Variants in OR2H1 observed in about 807,000 individuals in gnomAD.
OR2H1 encodes the protein olfactory receptor family 2 subfamily H member 1.
For missense variants in OR2H1, 380 were observed against 367.3 expected (o/e 1.03, Z -0.28); for synonymous variants, 155 against 155.2 (o/e 1.00, Z 0.01).
In OR2H1 at chr6:29,461,924, G is replaced by A. The variant is rs138167082; in HGVS notation, c.155G>A (p.Arg52Lys). 1.2e-5 allele frequency: 19 copies of A among 1,612,860 alleles called. No homozygotes were observed. The African/African-American group carries it at 1.6e-4, about 14-fold the overall frequency. The change falls in exon 4 of 4, where the codon AGG (arginine) becomes AAG (lysine). Residue 52 changes from arginine to lysine, a missense_variant. Arg to Lys is a conservative substitution (Grantham distance 26). Coordinates refer to ENST00000377133, the MANE Select transcript of OR2H1 (RefSeq NM_030883.5). Reference sequence around the variant, plus strand: ...ATCCTGCTGTCTGTACTGTACCCCAGGCTCCACTCTCCAATGTACTTTTTC... The same window carrying A: ...ATCCTGCTGTCTGTACTGTACCCCAAGCTCCACTCTCCAATGTACTTTTTC... ...LIILLSVLYP[R>K]LHSPMYFFLS... is the part of the protein sequence containing the mutation.
chr6:29,462,754 A>G lies in OR2H1; in HGVS notation c.*34A>G. The G allele has an allele frequency of 6.6e-7, 1 of 1,514,528 alleles. No homozygotes were observed. The highest frequency in any genetic ancestry group is 9.0e-7 in the Non-Finnish European group (1 of 1,105,750). The allele number at this position is 1,514,528 out of a possible 1,614,324, so 93.8% of individuals were successfully genotyped here. A position where few individuals can be genotyped will look rare whatever the true frequency, so the allele number is the denominator to read the frequency against. Reference sequence around the variant, plus strand: ...CGAAAGTAAGAAGAGTTTCTTCAAGATTTATGAACATGTTAAGTTTTCCAG... The same window carrying G: ...CGAAAGTAAGAAGAGTTTCTTCAAGGTTTATGAACATGTTAAGTTTTCCAG... On this transcript the variant is annotated 3_prime_UTR_variant, in exon 4 of 4. Coordinates refer to ENST00000377133, the MANE Select transcript of OR2H1 (RefSeq NM_030883.5).
chr6:29,463,690 T>G lies in OR2H1; in HGVS notation c.*970T>G, dbSNP rs547829580. On this transcript the variant is annotated 3_prime_UTR_variant, in exon 4 of 4. Transcript: ENST00000377133. The stretch of plus-strand genomic sequence containing the variant: ...TGTTAGCTTAGTTCATTCAAGCTAC[T>G]ATCACAAGCTACACATAAATTGGGT... 6.0e-6 allele frequency: 1 copy of G among 167,250 alleles called. No individual in the cohort carries two copies. The highest frequency in any genetic ancestry group is 6.5e-5 in the Admixed American group (1 of 15,306). The allele number at this position is 167,250 out of a possible 1,614,324, so 10.4% of individuals were successfully genotyped here. A position where few individuals can be genotyped will look rare whatever the true frequency, so the allele number is the denominator to read the frequency against.
chr6:29,463,551 A>C lies in OR2H1; in HGVS notation c.*831A>C, dbSNP rs577476765. The C allele has an allele frequency of 6.0e-6, 1 of 167,190 alleles. No individual in the cohort carries two copies. Among genetic ancestry groups the C allele is most frequent in the East Asian group, 1.9e-4 (1 of 5,190 alleles). 10.4% of individuals were successfully genotyped at this position (167,190 alleles called of 1,614,324 possible). ...TAAATAATAAGCCATCTAAGTGTAA[A>C]AGTGGCTCATATCTTCTCCAGCCAA... On this transcript the variant is annotated 3_prime_UTR_variant, in exon 4 of 4. Transcript: ENST00000377133.
At chr6:29,457,987 C>T (rs1786650860) in intron 1 of OR2H1, among the ~76,000 whole-genome samples, 1 of 152,226 alleles carries the variant, frequency 6.6e-6, no homozygotes, top group Admixed American at 6.5e-5. Context: ...AATTAATGAG[C>T]TACTTCTCTC....
In OR2H1 at chr6:29,462,330, T is replaced by C; in HGVS notation, c.561T>C (p.Cys187=). The change falls in exon 4 of 4, where the codon TGT becomes TGC. Residue 187 remains cysteine (C), a synonymous_variant. Transcript: ENST00000377133. The part of the protein sequence containing the change: ...CEVPSLIRLS[C]GDTSYNEIQL... ...TCCCATCTCTGATTCGACTCTCCTGTGGAGATACCTCCTACAATGAAATCC... is the reference window on the plus strand; with the variant it reads ...TCCCATCTCTGATTCGACTCTCCTGCGGAGATACCTCCTACAATGAAATCC... The C allele has an allele frequency of 5.0e-6, 8 of 1,613,156 alleles. No homozygotes were observed. The highest frequency in any genetic ancestry group is 6.8e-6 in the Non-Finnish European group (8 of 1,180,030).
Position 29,462,543 on chromosome 6 carries a change from C to G in OR2H1, c.774C>G (p.Leu258=). ...ACAGCTCAGTCATTGCTGTCTACCT[C>G]CAGCCCAAAAATCCGTATGCCCAAG... The part of the protein sequence containing the change: ...LFYSSVIAVY[L]QPKNPYAQGR... Residue 258 remains leucine, a synonymous_variant, in exon 4 of 4, where the codon CTC becomes CTG. Transcript: ENST00000377133. The G allele has an allele frequency of 6.2e-7, 1 of 1,612,990 alleles. No individual in the cohort carries two copies. Among genetic ancestry groups the G allele is most frequent in the Non-Finnish European group, 8.5e-7 (1 of 1,180,016 alleles).
rs1786771603 is a variant in OR2H1, at chr6:29,458,515, T to C, written c.-381T>C. 6.6e-6 allele frequency: 1 copy of C among 152,236 alleles called. No individual in the cohort carries two copies. The highest frequency in any genetic ancestry group is 2.4e-5 in the African/African-American group (1 of 41,438). The allele number at this position is 152,236 out of a possible 1,614,324, so 9.4% of individuals were successfully genotyped here. On this transcript the variant is annotated 5_prime_UTR_variant, in exon 2 of 4. Coordinates refer to ENST00000377133, the MANE Select transcript of OR2H1 (RefSeq NM_030883.5). Reference sequence around the variant, plus strand: ...GGCTCCAACCAGTCCAGAAGTTCCTTTCTATGGGGAAGCTGTGGCAGCAAG... The same window carrying C: ...GGCTCCAACCAGTCCAGAAGTTCCTCTCTATGGGGAAGCTGTGGCAGCAAG...
In OR2H1 at chr6:29,462,807, G is replaced by C; in HGVS notation, c.*87G>C. On this transcript the variant is annotated 3_prime_UTR_variant, in exon 4 of 4. Transcript: ENST00000377133. ...TACTACCCTTCCCACATACACCTGAGCCACTGTGGTGGGTCACAGTGTGGC... is the reference window on the plus strand; with the variant it reads ...TACTACCCTTCCCACATACACCTGACCCACTGTGGTGGGTCACAGTGTGGC... 2 of 926,330 alleles carry C rather than the reference G, an allele frequency of 2.2e-6. No individual in the cohort carries two copies. Among genetic ancestry groups the C allele is most frequent in the Non-Finnish European group, 3.3e-6 (2 of 610,774 alleles). 57.4% of individuals were successfully genotyped at this position (926,330 alleles called of 1,614,324 possible).
At position 29,463,508 on chromosome 6, in the gene OR2H1, T is replaced by G. The variant is rs1221169699; in HGVS notation, c.*788T>G. ...GCCAGGGAATTGGCACGTTTGGCTT[T>G]TACTTCTTTTTTATATGTAAATAAT... On this transcript the variant is annotated 3_prime_UTR_variant, in exon 4 of 4. Transcript: ENST00000377133. 6.0e-6 allele frequency: 1 copy of G among 167,030 alleles called. No individual in the cohort carries two copies. Among genetic ancestry groups the G allele is most frequent in the African/African-American group, 2.4e-5 (1 of 41,470 alleles). 10.3% of individuals were successfully genotyped at this position (167,030 alleles called of 1,614,324 possible).
intron 2 of OR2H1, chr6:29,459,972 T>C (rs1193657010): frequency 6.6e-6 from 1 of 152,220 alleles, no homozygotes; most frequent in African/African-American, 2.4e-5. Context: ...CCAGTGTTTA[T>C]TGAATACATG....
chr6:29,461,013 A>G (rs969764804), intron 3 of OR2H1: 1 of 152,116 alleles, frequency 6.6e-6, no homozygotes, highest in African/African-American at 2.4e-5. Context: ...GACAATTGGC[A>G]GCATTTTTTT....
chr6:29,463,306 T>C lies in OR2H1; in HGVS notation c.*586T>C, dbSNP rs1279556084. Reference sequence around the variant, plus strand: ...GACAAGTCTTTACTGTCTCCCAGGTTTTGGATGGAGCATGGGGTTTTCTGC... The same window carrying C: ...GACAAGTCTTTACTGTCTCCCAGGTCTTGGATGGAGCATGGGGTTTTCTGC... On this transcript the variant is annotated 3_prime_UTR_variant, in exon 4 of 4. Transcript: ENST00000377133. 5.9e-6 allele frequency: 1 copy of C among 170,754 alleles called. No individual in the cohort carries two copies. The highest frequency in any genetic ancestry group is 1.4e-5 in the Non-Finnish European group (1 of 70,412). The allele number at this position is 170,754 out of a possible 1,614,324, so 10.6% of individuals were successfully genotyped here.
rs1454042965 is a variant in OR2H1 at position 29,462,112 on chromosome 6, G to T, written c.343G>T (p.Val115Leu). 1 of 1,613,554 alleles carries T rather than the reference G, an allele frequency of 6.2e-7. No individual in the cohort carries two copies. The highest frequency in any genetic ancestry group is 8.5e-7 in the Non-Finnish European group (1 of 1,180,028). The change falls in exon 4 of 4, where the codon GTG becomes TTG. Residue 115 changes from valine to leucine, a missense_variant. Val to Leu is a conservative substitution (Grantham distance 32). Coordinates refer to ENST00000377133, the MANE Select transcript of OR2H1 (RefSeq NM_030883.5). The part of the protein sequence containing the change: ...LGTTECILLT[V>L]MAFDRYVAVC... Reference sequence around the variant, plus strand: ...GACCACTGAGTGCATCCTCCTGACAGTGATGGCCTTTGACCGATACGTGGC... The same window carrying T: ...GACCACTGAGTGCATCCTCCTGACATTGATGGCCTTTGACCGATACGTGGC...
Position 29,462,424 on chromosome 6 carries a change from A to C in OR2H1, c.655A>C (p.Thr219Pro). 1 of 1,613,108 alleles carries C rather than the reference A, an allele frequency of 6.2e-7. No individual in the cohort carries two copies. Among genetic ancestry groups the C allele is most frequent in the South Asian group, 1.1e-5 (1 of 91,082 alleles). The change falls in exon 4 of 4, where the codon ACT becomes CCT. Residue 219 changes from threonine to proline, a missense_variant. Thr to Pro is a conservative substitution (Grantham distance 38, BLOSUM62 -1). Transcript: ENST00000377133. ...CCTCATCCTTGCCTCTTATGGAGCCACTGCCCAGGCAGTGCTGAGGATTAA... is the reference window on the plus strand; with the variant it reads ...CCTCATCCTTGCCTCTTATGGAGCCCCTGCCCAGGCAGTGCTGAGGATTAA... ...LSLILASYGA[T>P]AQAVLRINSA... is the part of the protein sequence containing the mutation.
Position 29,462,063 on chromosome 6 carries a change from G to C in OR2H1, c.294G>C (p.Gln98His). ...KTISFLGCSV[Q>H]LFIFLSLGTT... ...TCAGCTTCCTGGGATGCTCTGTCCAGCTCTTCATCTTCCTGTCCCTGGGGA... is the reference window on the plus strand; with the variant it reads ...TCAGCTTCCTGGGATGCTCTGTCCACCTCTTCATCTTCCTGTCCCTGGGGA... Residue 98 changes from glutamine to histidine, a missense_variant, in exon 4 of 4, where the codon CAG becomes CAC. Physicochemically the swap from Gln to His is conservative, Grantham distance 24 (BLOSUM62 0). Transcript: ENST00000377133. 1 of 1,613,552 alleles carries C rather than the reference G, an allele frequency of 6.2e-7. No individual in the cohort carries two copies.
In OR2H1 at chr6:29,462,427, G is replaced by C; in HGVS notation, c.658G>C (p.Ala220Pro). ...CATCCTTGCCTCTTATGGAGCCACT[G>C]CCCAGGCAGTGCTGAGGATTAACTC... ...SLILASYGAT[A>P]QAVLRINSAT... The change falls in exon 4 of 4, where the codon GCC becomes CCC. Residue 220 changes from alanine (A) to proline (P), a missense_variant. Transcript: ENST00000377133. 1 of 1,613,148 alleles carries C rather than the reference G, an allele frequency of 6.2e-7. No individual in the cohort carries two copies. The highest frequency in any genetic ancestry group is 8.5e-7 in the Non-Finnish European group (1 of 1,180,038).
chr6:29,462,444 G>A lies in OR2H1; in HGVS notation c.675G>A (p.Arg225=). Residue 225 remains arginine, a synonymous_variant, in exon 4 of 4, where the codon AGG becomes AGA. Coordinates refer to ENST00000377133, the MANE Select transcript of OR2H1 (RefSeq NM_030883.5). The part of the protein sequence containing the change: ...SYGATAQAVL[R]INSATAWRKA... ...GAGCCACTGCCCAGGCAGTGCTGAG[G>A]ATTAACTCTGCCACAGCATGGAGAA... The A allele has an allele frequency of 6.2e-7, 1 of 1,613,112 alleles. No homozygotes were observed. Among genetic ancestry groups the A allele is most frequent in the East Asian group, 2.2e-5 (1 of 44,880 alleles).
chr6:29,458,847 T>C (rs56075801), intron 2 of OR2H1, among the ~76,000 whole-genome samples: 1 of 152,340 alleles, frequency 6.6e-6, no homozygotes, highest in African/African-American at 2.4e-5. Context: ...AAGTGGTTAT[T>C]ATTATTGAAC....
rs548935337 is a variant in OR2H1, at chr6:29,458,391, A to G, written c.-442-63A>G. ...GTGCCCATGGAAGTAAGCACTAGCA[A>G]TCAATACTCTTAACTGAAATCCAAG... On this transcript the variant is annotated intron_variant, in intron 1 of 3. Coordinates refer to ENST00000377133, the MANE Select transcript of OR2H1 (RefSeq NM_030883.5). 3 of 152,362 alleles carry G rather than the reference A, an allele frequency of 2.0e-5. No individual in the cohort carries two copies. In the South Asian group the frequency reaches 6.2e-4, roughly 32 times the overall value. 9.4% of individuals were successfully genotyped at this position (152,362 alleles called of 1,614,324 possible).
Sources: allele counts gnomAD v4.1 joint callset (sites outside exome capture counted in the v4.1 genomes callset), GRCh38; gene constraint gnomAD v4.1.1; transcripts MANE v1.5; gene names NCBI Gene and HGNC (gene_info 2026-07-23, HGNC 2026-07-21).